The following PTPRO variants were observed in gnomAD, a reference collection of about 807,000 sequenced individuals.
PTPRO encodes protein tyrosine phosphatase receptor type O, also known as receptor-type tyrosine-protein phosphatase O.
PTPRO carries 62 observed loss-of-function variants against 145.2 expected under a neutral mutation model. The observed-to-expected ratio is 0.43, with a 90% CI of 0.35 to 0.53. The LOEUF (loss-of-function observed/expected upper bound fraction) is 0.53, where lower values mean the gene tolerates loss of function less well. Ranked by LOEUF, PTPRO falls within the 20% of genes least tolerant of loss-of-function variation. The pLI is 0.01. For synonymous variants in PTPRO, 565 were observed against 514.7 expected (o/e 1.10, Z -1.32); for missense variants, 1,345 against 1,482.7 (o/e 0.91, Z 1.53).
chr12:15,376,704 A>G (rs1938698748), intron 1 of PTPRO, among the ~76,000 whole-genome samples: 1 of 152,176 alleles, frequency 6.6e-6, no homozygotes. Flanking sequence ...GTTTATAGAC[A>G]GCTATCTTCT....
intron 6 of PTPRO, among the ~76,000 whole-genome samples, chr12:15,505,218 C>A (rs1346319691): frequency 6.6e-6 from 1 of 152,212 alleles, no homozygotes; most frequent in African/African-American, 2.4e-5. Context: ...TGACTTTTCT[C>A]TTCTCTGAAT....
chr12:15,552,271 C>A (rs1943484464), intron 15 of PTPRO, among the ~76,000 whole-genome samples: 1 of 152,190 alleles, frequency 6.6e-6, no homozygotes, highest in Admixed American at 6.5e-5. Context: ...CTCATCAGAG[C>A]ACATTCTCAA....
At chr12:15,472,083 T>G (rs970634517) in intron 1 of PTPRO, among the ~76,000 whole-genome samples, 1 of 152,232 alleles carries the variant, frequency 6.6e-6, no homozygotes, top group African/African-American at 2.4e-5. Flanking sequence ...TTAAAAGAAC[T>G]GAGCAGCCTA....
intron 17 of PTPRO, among the ~76,000 whole-genome samples, chr12:15,564,822 A>G (rs558308454): frequency 6.6e-6 from 1 of 152,354 alleles, no homozygotes; most frequent in East Asian, 1.9e-4. Context: ...TTTACTATTT[A>G]TAGACAACAA....
intron 1 of PTPRO, among the ~76,000 whole-genome samples, chr12:15,357,159 G>A (rs944267398): frequency 3.3e-5 from 5 of 152,252 alleles, no homozygotes; most frequent in Non-Finnish European, 7.3e-5. Flanking sequence ...CTCTGCTGCT[G>A]AAATACACTA....
chr12:15,401,733 C>T (rs150091484), intron 1 of PTPRO, among the ~76,000 whole-genome samples: 60 of 152,290 alleles, frequency 3.9e-4, no homozygotes, highest in Non-Finnish European at 1.3e-4. Context: ...GCTGGTCTGG[C>T]TTAGACACAG....
At chr12:15,580,323 C>T (rs893304803) in intron 21 of PTPRO, among the ~76,000 whole-genome samples, 3 of 152,286 alleles carry the variant, frequency 2.0e-5, no homozygotes, top group Non-Finnish European at 2.9e-5. Flanking sequence ...TTATAAAGGT[C>T]CAGTGAAAGG....
intron 10 of PTPRO, among the ~76,000 whole-genome samples, chr12:15,520,913 A>G (rs892485275): frequency 6.6e-6 from 1 of 152,224 alleles, no homozygotes; most frequent in Non-Finnish European, 1.5e-5. Flanking sequence ...CTTCATTATT[A>G]TATAAGCTAC....
At chr12:15,578,091 C>T (rs1944225904) in intron 19 of PTPRO, among the ~76,000 whole-genome samples, 1 of 152,160 alleles carries the variant, frequency 6.6e-6, no homozygotes, top group African/African-American at 2.4e-5. Context: ...ACAGATCCAT[C>T]TTTATGTTTG....
intron 1 of PTPRO, among the ~76,000 whole-genome samples, chr12:15,402,490 C>G (rs944745886): frequency 6.6e-6 from 1 of 152,144 alleles, no homozygotes; most frequent in East Asian, 1.9e-4. Context: ...CTACAAAATT[C>G]TGATGATTAT....
At chr12:15,517,079 A>T in intron 9 of PTPRO, 123 bp downstream of exon 9, 1 of 968,474 alleles carries the variant, frequency 1.0e-6, no homozygotes. Context: ...ATAGTGTGTT[A>T]GTTCATTTTC....
At chr12:15,334,709 G>A (rs563955786) in intron 1 of PTPRO, among the ~76,000 whole-genome samples, 6 of 152,168 alleles carry the variant, frequency 3.9e-5, no homozygotes, top group African/African-American at 1.4e-4. Flanking sequence ...AAAAATAGAA[G>A]GAAAATTGTG....
intron 1 of PTPRO, among the ~76,000 whole-genome samples, chr12:15,381,521 C>T (rs1357854407): frequency 6.6e-6 from 1 of 152,114 alleles, no homozygotes; most frequent in East Asian, 1.9e-4. Flanking sequence ...GTTCCTACTT[C>T]TCATCATTAA....
At chr12:15,509,530 C>T (rs1051960894) in intron 7 of PTPRO, among the ~76,000 whole-genome samples, 3 of 151,638 alleles carry the variant, frequency 2.0e-5, no homozygotes, top group African/African-American at 7.3e-5. Flanking sequence ...AAACTCGTCT[C>T]TACTAAAAAT....
intron 1 of PTPRO, among the ~76,000 whole-genome samples, chr12:15,338,124 T>C (rs1256870330): frequency 6.6e-6 from 1 of 152,238 alleles, no homozygotes; most frequent in Non-Finnish European, 1.5e-5. Context: ...GGATTTTTCT[T>C]GTTTTAATAT....
At chr12:15,564,462 A>C (rs73313538) in intron 17 of PTPRO, among the ~76,000 whole-genome samples, 6,891 of 152,246 alleles carry the variant, frequency 0.045, 498 homozygotes, top group African/African-American at 0.15. Context: ...TTCATTAACT[A>C]TGCTCAGCCC....
chr12:15,512,544 A>G (rs7299646), intron 7 of PTPRO, among the ~76,000 whole-genome samples: 102,721 of 152,124 alleles, frequency 0.68, 35,256 homozygotes, highest in Admixed American at 0.74. Context: ...GAACAAACAA[A>G]ACTTCCAATT....
chr12:15,473,135 G>A (rs1489820615), intron 1 of PTPRO, among the ~76,000 whole-genome samples: 1 of 152,188 alleles, frequency 6.6e-6, no homozygotes, highest in African/African-American at 2.4e-5. Flanking sequence ...ATAAGAAGGT[G>A]CAAGCTCAGA....
intron 12 of PTPRO, among the ~76,000 whole-genome samples, chr12:15,542,895 C>T (rs1943207945): frequency 1.3e-5 from 2 of 152,168 alleles, no homozygotes; most frequent in African/African-American, 2.4e-5. Context: ...GGACAATTCA[C>T]ATTCCGATTC....
Sources: allele counts gnomAD v4.1 joint callset (sites outside exome capture counted in the v4.1 genomes callset), GRCh38; gene constraint gnomAD v4.1.1; transcripts MANE v1.5; gene names NCBI Gene and HGNC (gene_info 2026-07-23, HGNC 2026-07-21).